Variants in SNX8 observed in about 807,000 individuals in gnomAD.
SNX8 encodes the protein sorting nexin 8.
A neutral mutation model predicts 51.6 loss-of-function variants in SNX8; 25 were observed. The observed-to-expected ratio is 0.48, with a 90% CI of 0.35 to 0.68. SNX8 has a LOEUF of 0.68. Ranked by LOEUF, SNX8 falls within the 30% of genes least tolerant of loss-of-function variation. The pLI is 0.00. For synonymous variants in SNX8, 324 were observed against 277.0 expected, an observed-to-expected ratio of 1.17 and a Z score of -1.68; for missense variants, 695 against 624.0, an observed-to-expected ratio of 1.11 and a Z score of -1.21.
chr7:2,265,608 G>T (rs866341434), intron 5 of SNX8, among the ~76,000 whole-genome samples: 1 of 152,060 alleles, frequency 6.6e-6, no homozygotes, highest in Non-Finnish European at 1.5e-5. Flanking sequence ...TCACAACACT[G>T]CACTCCAGCC....
At chr7:2,305,305 G>C (rs1562449686) in intron 1 of SNX8, among the ~76,000 whole-genome samples, 1 of 152,192 alleles carries the variant, frequency 6.6e-6, no homozygotes, top group Non-Finnish European at 1.5e-5. Context: ...AGTCAGTCCA[G>C]ATAGTCCTAC....
chr7:2,269,663 T>G, intron 4 of SNX8, 24 bp from the exon 5 acceptor site: 2 of 1,537,072 alleles, frequency 1.3e-6, no homozygotes, highest in Non-Finnish European at 1.8e-6. Flanking sequence ...ACACACAGCT[T>G]CACCCTCTTC....
intron 5 of SNX8, among the ~76,000 whole-genome samples, chr7:2,264,705 C>T (rs373580398): frequency 1.3e-5 from 2 of 152,308 alleles, no homozygotes; most frequent in East Asian, 3.9e-4. Context: ...CCACAGAGTC[C>T]ACTGAAATCT....
intron 1 of SNX8, among the ~76,000 whole-genome samples, chr7:2,339,770 T>C (rs1406519379): frequency 6.6e-6 from 1 of 152,062 alleles, no homozygotes; most frequent in African/African-American, 2.4e-5. Context: ...TGCTATAATA[T>C]TTAAAACAGG....
At chr7:2,310,618 T>C (rs949115864) in intron 1 of SNX8, among the ~76,000 whole-genome samples, 5 of 151,846 alleles carry the variant, frequency 3.3e-5, no homozygotes, top group African/African-American at 1.2e-4. Context: ...ATACAAAAAA[T>C]TAGTCAGGTG....
chr7:2,276,533 T>G (rs891920597), intron 2 of SNX8, among the ~76,000 whole-genome samples: 3 of 151,530 alleles, frequency 2.0e-5, no homozygotes, highest in African/African-American at 7.3e-5. Context: ...CCAGGTGCAG[T>G]GGCTCATGCC....
At chr7:2,268,660 G>C (rs1391546607) in intron 5 of SNX8, among the ~76,000 whole-genome samples, 1 of 81,532 alleles carries the variant, frequency 1.2e-5, no homozygotes, top group Non-Finnish European at 2.6e-5. Context: ...GCCTCTGCCC[G>C]GCCGCCCCTA....
chr7:2,331,100 C>G (rs143749343), intron 1 of SNX8, among the ~76,000 whole-genome samples: 1 of 146,688 alleles, frequency 6.8e-6, no homozygotes, highest in African/African-American at 2.5e-5. Flanking sequence ...GCAGGAGAAT[C>G]GCTTGAGCCA....
chr7:2,279,864 T>C (rs1304566680), intron 1 of SNX8, among the ~76,000 whole-genome samples: 1 of 152,120 alleles, frequency 6.6e-6, no homozygotes, highest in African/African-American at 2.4e-5. Flanking sequence ...GTCTTAACCT[T>C]GGGGAAGGAA....
chr7:2,271,776 G>C, intron 4 of SNX8, 74 bp downstream of exon 4: 1 of 1,522,394 alleles, frequency 6.6e-7, no homozygotes, highest in East Asian at 2.5e-5. Context: ...AACCACACCT[G>C]AGAGAGGAAA....
chr7:2,264,773 C>T (rs1795425178), intron 5 of SNX8, among the ~76,000 whole-genome samples: 1 of 152,234 alleles, frequency 6.6e-6, no homozygotes, highest in Admixed American at 6.5e-5. Flanking sequence ...CAGTCACTCA[C>T]ACCTGTAATC....
intron 3 of SNX8, among the ~76,000 whole-genome samples, chr7:2,272,500 G>A (rs1795673521): frequency 6.6e-6 from 1 of 151,046 alleles, no homozygotes; most frequent in South Asian, 2.1e-4. Context: ...TCAGCCTCTG[G>A]AATTAGCTGG....
rs998069824 is a variant in SNX8 at position 2,302,788 on chromosome 7, G to C, written c.94+11540C>G. Reference sequence around the variant, plus strand: ...GGGATGTGAGGAGCGCCTCTGCCCGGCCGCGACCTCGTCTGGGAGGTGAGG... The same window carrying C: ...GGGATGTGAGGAGCGCCTCTGCCCGCCCGCGACCTCGTCTGGGAGGTGAGG... On this transcript the variant is annotated intron_variant, in intron 1 of 10. Transcript: ENST00000222990. 2.0e-5 allele frequency among the ~76,000 whole-genome samples: 3 copies of C among 151,858 alleles called. No individual in the cohort carries two copies. In the East Asian group the frequency reaches 5.9e-4, roughly 30 times the overall value.
chr7:2,255,340 C>T (rs1482288627), intron 10 of SNX8, among the ~76,000 whole-genome samples, 171 bp from the exon 11 acceptor site: 1 of 152,206 alleles, frequency 6.6e-6, no homozygotes. Flanking sequence ...AGAGGAAGCC[C>T]AAATGAGGAG....
chr7:2,326,444 T>A (rs1778622783), intron 1 of SNX8, among the ~76,000 whole-genome samples: 2 of 151,856 alleles, frequency 1.3e-5, no homozygotes, highest in Non-Finnish European at 2.9e-5. Context: ...GGCGGGCAGA[T>A]CACGAGGTCA....
In SNX8 at chr7:2,275,245, C is replaced by G. The variant is rs758930204; in HGVS notation, c.301-16G>C. 6.4e-7 allele frequency: 1 copy of G among 1,567,664 alleles called. No individual in the cohort carries two copies. Among genetic ancestry groups the G allele is most frequent in the Admixed American group, 1.7e-5 (1 of 59,924 alleles). Reference sequence around the variant, plus strand: ...ACTTGAAGCGCTGCAAGAGAAGGGTCGGTGCTTAGATCCGACGTTGGAAAC... The same window carrying G: ...ACTTGAAGCGCTGCAAGAGAAGGGTGGGTGCTTAGATCCGACGTTGGAAAC... On this transcript the variant is annotated splice_polypyrimidine_tract_variant and intron_variant, in intron 2 of 10. Transcript: ENST00000222990.
At chr7:2,321,277 T>C (rs1004758784) in intron 1 of SNX8, among the ~76,000 whole-genome samples, 2 of 152,068 alleles carry the variant, frequency 1.3e-5, no homozygotes, top group African/African-American at 4.8e-5. Context: ...GAAAAGGCAG[T>C]CTTCATACAT....
chr7:2,328,687 C>A (rs1338091877), intron 1 of SNX8, among the ~76,000 whole-genome samples: 1 of 152,126 alleles, frequency 6.6e-6, no homozygotes, highest in Non-Finnish European at 1.5e-5. Context: ...CACGGTGGCT[C>A]ACGCCTGTAA....
At position 2,255,260 on chromosome 7, in the gene SNX8, G is replaced by A. The variant is rs1331663800; in HGVS notation, c.1285-91C>T. ...CCAGTTCCTTCGCCTGCCAGTGACA[G>A]GGAGGGAGGGGCCCTCAGGTGCGCC... On this transcript the variant is annotated intron_variant, in intron 10 of 10. Transcript: ENST00000222990. The A allele has an allele frequency of 8.7e-6, 7 of 803,112 alleles. No individual in the cohort carries two copies. In the South Asian group the frequency reaches 1.2e-4, roughly 14 times the overall value. 49.7% of individuals were successfully genotyped at this position (803,112 alleles called of 1,614,324 possible). A position where few individuals can be genotyped will look rare whatever the true frequency, so the allele number is the denominator to read the frequency against.
Sources: allele counts gnomAD v4.1 joint callset (sites outside exome capture counted in the v4.1 genomes callset), GRCh38; gene constraint gnomAD v4.1.1; transcripts MANE v1.5; gene names NCBI Gene and HGNC (gene_info 2026-07-23, HGNC 2026-07-21).